Variants in GGT5 observed in about 807,000 individuals in gnomAD.
GGT5 encodes gamma-glutamyltransferase 5.
In GGT5, 50 loss-of-function variants were observed where a neutral mutation model predicts 58.1. The observed-to-expected ratio is 0.86, with a 90% CI of 0.69 to 1.09. GGT5 has a LOEUF of 1.09. Among genes scored for constraint, GGT5 ranks in the 50% least tolerant of loss-of-function variants. The probability of loss-of-function intolerance (pLI) is 0.00; values close to 1 mark genes in which losing one functional copy is unlikely to be tolerated. For missense variants in GGT5, 800 were observed against 789.4 expected (o/e 1.01, Z -0.16); for synonymous variants, 370 against 346.1 (o/e 1.07, Z -0.77).
intron 4 of GGT5, 44 bp downstream of exon 4, chr22:24,232,779 A>G: frequency 1.5e-6 from 2 of 1,352,316 alleles, no homozygotes; most frequent in Non-Finnish European, 2.0e-6. Context: ...CAGACAGGAT[A>G]TGGCCTTGAA....
intron 4 of GGT5, 46 bp from the exon 5 acceptor site, chr22:24,232,254 A>T: frequency 8.4e-7 from 1 of 1,189,178 alleles, no homozygotes; most frequent in Non-Finnish European, 1.2e-6. Flanking sequence ...TCCCAGAGGC[A>T]GCCACACTCT....
At chr22:24,233,148 C>G in intron 3 of GGT5, 130 bp from the exon 4 acceptor site, 1 of 687,538 alleles carries the variant, frequency 1.5e-6, no homozygotes, top group Non-Finnish European at 2.3e-6. Flanking sequence ...CGACCACGTC[C>G]CTCCCTGCTC....
chr22:24,244,311 ACACACC>A (rs931574941), intron 1 of GGT5: 203 of 493,324 alleles, frequency 4.1e-4, no homozygotes, highest in Middle Eastern at 1.1e-3. Context: ...ACACACACAC[ACACACC>A]CACCCACACA....
chr22:24,219,820 C>A lies in GGT5; in HGVS notation c.*150G>T, dbSNP rs923708177. On this transcript the variant is annotated 3_prime_UTR_variant, in exon 12 of 12. Coordinates refer to ENST00000327365, the MANE Select transcript of GGT5 (RefSeq NM_004121.5). ...GGATGAGGCTCAGCCTCTCATCTGC[C>A]CAGCTGGTCCCCGCCACCTCTTCCA... is the stretch of plus-strand genomic sequence containing the variant. The A allele has an allele frequency of 2.8e-6, 2 of 710,672 alleles. No homozygotes were observed. The highest frequency in any genetic ancestry group is 4.6e-6 in the Non-Finnish European group (2 of 430,996). 44.0% of individuals were successfully genotyped at this position (710,672 alleles called of 1,614,324 possible).
chr22:24,233,226 G>A (rs1337683515), intron 3 of GGT5, among the ~76,000 whole-genome samples: 1 of 152,188 alleles, frequency 6.6e-6, no homozygotes, highest in African/African-American at 2.4e-5. Context: ...CTGGCCCCAG[G>A]AGCCCCACCC....
At chr22:24,239,844 C>T (rs186089494) in intron 1 of GGT5, among the ~76,000 whole-genome samples, 28 of 151,646 alleles carry the variant, frequency 1.8e-4, no homozygotes, top group Admixed American at 7.9e-4. Flanking sequence ...CACTTTAGGA[C>T]GCCGAGGTAA....
rs568293130 is a variant in GGT5 at position 24,226,256 on chromosome 22, C to A, written c.1049G>T (p.Arg350Leu). ...GGCCAGGGTCTCCCCCAGCAGGTCC[C>A]GGGAGGCATTCTGGGGTGGGTGGGC... is the stretch of plus-strand genomic sequence containing the variant. ...RSHPKLQNAS[R>L]DLLGETLAQL... The change falls in exon 8 of 12, where the codon CGG (arginine) becomes CTG (leucine). Residue 350 changes from arginine to leucine, a missense_variant. Physicochemically the swap from Arg to Leu is moderately radical, Grantham distance 102 (BLOSUM62 -2). Transcript: ENST00000327365. 3.8e-6 allele frequency: 6 copies of A among 1,584,354 alleles called. No homozygotes were observed. Among genetic ancestry groups the A allele is most frequent in the Non-Finnish European group, 4.3e-6 (5 of 1,166,512 alleles).
intron 6 of GGT5, among the ~76,000 whole-genome samples, chr22:24,227,299 G>A (rs925763397): frequency 6.7e-6 from 1 of 148,480 alleles, no homozygotes; most frequent in Non-Finnish European, 1.5e-5. Context: ...CCAGGCTGGA[G>A]TGTGTGGCAC....
rs778369692 is a variant in GGT5 at position 24,225,626 on chromosome 22, C to T, written c.1256G>A (p.Arg419Gln). 20 of 1,612,398 alleles carry T rather than the reference C, an allele frequency of 1.2e-5. No homozygotes were observed. The East Asian group carries it at 3.1e-4, about 25-fold the overall frequency. The change falls in exon 9 of 12, where the codon CGG (arginine) becomes CAG (glutamine). Residue 419 changes from arginine (R) to glutamine (Q), a missense_variant. Arg to Gln is a conservative substitution (Grantham distance 43, BLOSUM62 1). Coordinates refer to ENST00000327365, the MANE Select transcript of GGT5 (RefSeq NM_004121.5). ...CTCGTTGTTGAGGATGATGCCTGTC[C>T]GTGGTGAATACACCATCGCTCCAAA... ...TPFGAMVYSP[R>Q]TGIILNNELL...
chr22:24,232,975 G>C lies in GGT5; in HGVS notation c.444C>G (p.Ala148=). ...GGCGGCCATGGCGGCGGTGGGCCTCGGCATAGCCACGGAGCTCCCCGGGCA... is the reference window on the plus strand; with the variant it reads ...GGCGGCCATGGCGGCGGTGGGCCTCCGCATAGCCACGGAGCTCCCCGGGCA... The part of the protein sequence containing the change: ...IGVPGELRGY[A]EAHRRHGRLP... The change falls in exon 4 of 12, where the codon GCC becomes GCG. Residue 148 remains alanine, a synonymous_variant. Coordinates refer to ENST00000327365, the MANE Select transcript of GGT5 (RefSeq NM_004121.5). The C allele has an allele frequency of 6.4e-7, 1 of 1,561,078 alleles. No individual in the cohort carries two copies. Among genetic ancestry groups the C allele is most frequent in the Non-Finnish European group, 8.7e-7 (1 of 1,153,206 alleles).
intron 1 of GGT5, among the ~76,000 whole-genome samples, chr22:24,238,831 ATT>A (rs61133301): frequency 1.2e-3 from 11 of 9,066 alleles, no homozygotes; most frequent in Admixed American, 2.8e-3. Flanking sequence ...ATATATATAT[ATT>A]TATATATATA....
intron 11 of GGT5, among the ~76,000 whole-genome samples, chr22:24,223,950 G>A (rs1198945156): frequency 6.6e-6 from 1 of 151,426 alleles, no homozygotes; most frequent in Non-Finnish European, 1.5e-5. Flanking sequence ...TTTAGTTGAG[G>A]CAGGGTTTTA....
chr22:24,232,271 G>T, intron 4 of GGT5, 63 bp from the exon 5 acceptor site: 1 of 996,216 alleles, frequency 1.0e-6, no homozygotes, highest in Non-Finnish European at 1.5e-6. Context: ...CTCTTCCGGG[G>T]CTCTCATGGG....
chr22:24,238,142 A>G (rs2148934800), intron 1 of GGT5, among the ~76,000 whole-genome samples: 1 of 151,026 alleles, frequency 6.6e-6, no homozygotes, highest in East Asian at 2.0e-4. Flanking sequence ...GGCACAAGAA[A>G]CATTTGAACC....
chr22:24,243,640 G>C (rs1478024547), intron 1 of GGT5: 1 of 152,396 alleles, frequency 6.6e-6, no homozygotes, highest in Non-Finnish European at 1.5e-5. Flanking sequence ...CCTGGCTTTT[G>C]TGGGCCCAGT....
At chr22:24,234,494 A>G (rs890729683) in intron 1 of GGT5, among the ~76,000 whole-genome samples, 1 of 152,044 alleles carries the variant, frequency 6.6e-6, no homozygotes, top group Non-Finnish European at 1.5e-5. Flanking sequence ...ATGGACCCCA[A>G]AACTTCTCTT....
chr22:24,244,789 GATGA>G lies in GGT5; in HGVS notation c.-68_-65del, dbSNP rs1303686915. On this transcript the variant is annotated 5_prime_UTR_variant, in exon 1 of 12. Transcript: ENST00000327365. ...AGACGGAGGGACGGATGGGTGGGCA[GATGA>G]ATGGACAAGAAGATGCACAGAGTCA... 7.2e-6 allele frequency: 11 copies of G among 1,522,296 alleles called. No homozygotes were observed. The highest frequency in any genetic ancestry group is 9.7e-6 in the Non-Finnish European group (11 of 1,132,502). 94.3% of individuals were successfully genotyped at this position (1,522,296 alleles called of 1,614,324 possible).
rs118007626 is a variant in GGT5, at chr22:24,225,756, C to T, written c.1230-104G>A. On this transcript the variant is annotated intron_variant, in intron 8 of 11. Transcript: ENST00000327365. The stretch of plus-strand genomic sequence containing the variant: ...GGACCCCCTCGTTTTACAGCTGCCC[C>T]GAAGCATGCTGAAGCCGCTATTCTC... The T allele has an allele frequency of 7.6e-3, 5,742 of 755,228 alleles. 34 individuals are homozygous for T. The highest frequency in any genetic ancestry group is 9.8e-3 in the Non-Finnish European group (4,281 of 435,286). 46.8% of individuals were successfully genotyped at this position (755,228 alleles called of 1,614,324 possible).
chr22:24,239,991 CAGG>C, intron 1 of GGT5, among the ~76,000 whole-genome samples: 1 of 152,282 alleles, frequency 6.6e-6, no homozygotes, highest in Non-Finnish European at 1.5e-5. Flanking sequence ...GAGACTGAGA[CAGG>C]AGAATTGCTT....
Sources: allele counts gnomAD v4.1 joint callset (sites outside exome capture counted in the v4.1 genomes callset), GRCh38; gene constraint gnomAD v4.1.1; transcripts MANE v1.5; gene names NCBI Gene and HGNC (gene_info 2026-07-23, HGNC 2026-07-21).